The following CALCOCO2 variants were observed in gnomAD, a reference collection of about 807,000 sequenced individuals.
CALCOCO2 encodes calcium binding and coiled-coil domain 2, also known as calcium-binding and coiled-coil domain-containing protein 2.
Under a neutral mutation model 62.5 loss-of-function variants are expected in CALCOCO2, and 42 were observed. That is an observed-to-expected ratio of 0.67 (90% CI 0.53 to 0.87). The LOEUF (loss-of-function observed/expected upper bound fraction) is 0.87. Ranked by LOEUF, CALCOCO2 falls within the 40% of genes least tolerant of loss-of-function variation. The pLI is 0.00. For missense variants in CALCOCO2, 456 were observed against 515.0 expected, an observed-to-expected ratio of 0.89 and a Z score of 1.11; for synonymous variants, 167 against 173.0, an observed-to-expected ratio of 0.97 and a Z score of 0.27.
chr17:48,858,210 A>C (rs1209701159), intron 10 of CALCOCO2, among the ~76,000 whole-genome samples: 1 of 151,660 alleles, frequency 6.6e-6, no homozygotes, highest in Non-Finnish European at 1.5e-5. Flanking sequence ...ATTCTCCCTC[A>C]CTTTCTACTT....
intron 2 of CALCOCO2, chr17:48,845,983 A>G: frequency 1.3e-6 from 1 of 764,100 alleles, no homozygotes; most frequent in South Asian, 1.7e-5. Flanking sequence ...TTGGCTGTAA[A>G]GTTTCGTCCT....
At chr17:48,846,190 G>A in intron 2 of CALCOCO2, 1 of 641,724 alleles carries the variant, frequency 1.6e-6, no homozygotes, top group South Asian at 2.4e-5. Context: ...AGGCTGGAGT[G>A]CAGAGGTGCA....
Position 48,852,504 on chromosome 17 carries a change from A to G in CALCOCO2, c.703-2A>G. ...TGGTTATGTTCACTATTTTTGTTTT[A>G]GGCCCAGCTGTCAACTCAAGAGAAA... On this transcript the variant is annotated splice_acceptor_variant, in intron 7 of 12. Coordinates refer to ENST00000258947, the MANE Select transcript of CALCOCO2 (RefSeq NM_005831.5). LOFTEE classifies it high-confidence loss of function. 6.2e-7 allele frequency: 1 copy of G among 1,611,110 alleles called. No individual in the cohort carries two copies. The highest frequency in any genetic ancestry group is 8.5e-7 in the Non-Finnish European group (1 of 1,178,800).
chr17:48,849,569 G>A (rs12950485), intron 5 of CALCOCO2, among the ~76,000 whole-genome samples, 192 bp downstream of exon 5: 10 of 152,060 alleles, frequency 6.6e-5, no homozygotes, highest in Admixed American at 6.6e-5. Flanking sequence ...GCAAGGGTGC[G>A]ATCCTGGCTC....
At chr17:48,836,808 G>A (rs1323632039) in intron 1 of CALCOCO2, among the ~76,000 whole-genome samples, 3 of 144,882 alleles carry the variant, frequency 2.1e-5, no homozygotes, top group African/African-American at 7.8e-5. Flanking sequence ...TATTGCCCAA[G>A]CTGGAGTGCA....
Position 48,848,120 on chromosome 17 carries a change from T to C in CALCOCO2, c.237T>C (p.Ile79=). The change falls in exon 3 of 13, where the codon ATT becomes ATC. Residue 79 remains isoleucine, a synonymous_variant. Transcript: ENST00000258947. ...CCTTCATGTGGGTTACTTTGCCCAT[T>C]GACCTAAACAACAAATCAGCTAAAC... The part of the protein sequence containing the change: ...YYTFMWVTLP[I]DLNNKSAKQQ... The C allele has an allele frequency of 6.2e-7, 1 of 1,613,774 alleles. No individual in the cohort carries two copies. The highest frequency in any genetic ancestry group is 8.5e-7 in the Non-Finnish European group (1 of 1,179,722).
intron 2 of CALCOCO2, among the ~76,000 whole-genome samples, chr17:48,845,366 C>T (rs2040035633): frequency 8.6e-6 from 1 of 116,900 alleles, no homozygotes; most frequent in African/African-American, 3.2e-5. Context: ...CTAATTAAAT[C>T]CTCACTGTGT....
intron 2 of CALCOCO2, chr17:48,846,457 C>A: frequency 6.8e-7 from 1 of 1,468,944 alleles, no homozygotes; most frequent in Non-Finnish European, 9.2e-7. Flanking sequence ...TTAAATGTTT[C>A]CAAGACAAAT....
chr17:48,846,114 CTT>C, intron 2 of CALCOCO2: 1 of 1,164,540 alleles, frequency 8.6e-7, no homozygotes, highest in South Asian at 1.6e-5. Context: ...CTCAGTAACT[CTT>C]TTTATTTTTT....
chr17:48,850,520 GTTTC>G (rs1288559769), intron 5 of CALCOCO2, among the ~76,000 whole-genome samples: 1 of 152,000 alleles, frequency 6.6e-6, no homozygotes, highest in African/African-American at 2.4e-5. Flanking sequence ...AAATTAGTCT[GTTTC>G]TTTTTACCTT....
chr17:48,838,622 G>C (rs1435221625), intron 1 of CALCOCO2, among the ~76,000 whole-genome samples: 2 of 152,076 alleles, frequency 1.3e-5, no homozygotes, highest in Admixed American at 6.6e-5. Flanking sequence ...GCCGAGGCAG[G>C]AGAATGGCAT....
At chr17:48,850,647 A>G (rs2143629966) in intron 5 of CALCOCO2, among the ~76,000 whole-genome samples, 1 of 152,330 alleles carries the variant, frequency 6.6e-6, no homozygotes, top group South Asian at 2.1e-4. Flanking sequence ...TGTGTCTGCA[A>G]TGCAAGAACA....
At position 48,848,150 on chromosome 17, in the gene CALCOCO2, G is replaced by A. The variant is rs1311072350; in HGVS notation, c.267G>A (p.Gln89=). ...IDLNNKSAKQ[Q]EVQFKAYYLP... ...TAAACAACAAATCAGCTAAACAGCA[G>A]GAAGTCCAATTCAAAGGTGAGAAAA... Residue 89 remains glutamine, a synonymous_variant, in exon 3 of 13, where the codon CAG becomes CAA. Transcript: ENST00000258947. 3 of 1,611,074 alleles carry A rather than the reference G, an allele frequency of 1.9e-6. No individual in the cohort carries two copies. Among genetic ancestry groups the A allele is most frequent in the Non-Finnish European group, 2.5e-6 (3 of 1,177,348 alleles).
intron 1 of CALCOCO2, among the ~76,000 whole-genome samples, chr17:48,833,956 C>T (rs1332304107): frequency 6.6e-6 from 1 of 151,936 alleles, no homozygotes; most frequent in East Asian, 1.9e-4. Flanking sequence ...TGGTGAAACC[C>T]TGTCTCTACA....
rs2040078595 is a variant in CALCOCO2 at position 48,848,183 on chromosome 17, A to T, written c.283+17A>T. ...AATTCAAAGGTGAGAAAAATACTGG[A>T]TCAAAGGTGTTGAAGACAGTAGCCA... On this transcript the variant is annotated intron_variant, in intron 3 of 12. Transcript: ENST00000258947. The T allele has an allele frequency of 1.3e-6, 2 of 1,571,534 alleles. No individual in the cohort carries two copies. The highest frequency in any genetic ancestry group is 2.7e-5 in the African/African-American group (2 of 74,110).
chr17:48,846,852 T>C (rs1349230811), intron 2 of CALCOCO2, among the ~76,000 whole-genome samples: 4 of 152,198 alleles, frequency 2.6e-5, no homozygotes, highest in African/African-American at 9.7e-5. Context: ...ATAAATGTAA[T>C]TTTGCTTCTC....
In CALCOCO2 at chr17:48,858,054, T is replaced by TAGAATAGAATAGAAC. The variant is rs2040265467; in HGVS notation, c.1008+1881_1008+1882insCAGAATAGAATAGAA. On this transcript the variant is annotated intron_variant, in intron 10 of 12. Coordinates refer to ENST00000258947, the MANE Select transcript of CALCOCO2 (RefSeq NM_005831.5). ...GAATAGAATAGAATAGAAAATAGAATAGAATAGAATAGAATAGAATTTTAC... is the reference window on the plus strand; with the variant it reads ...GAATAGAATAGAATAGAAAATAGAATAGAATAGAATAGAACAGAATAGAATAGAATAGAATTTTAC... 5.7e-5 allele frequency among the ~76,000 whole-genome samples: 8 copies of TAGAATAGAATAGAAC among 139,648 alleles called. 1 individual carries two copies. The highest frequency in any genetic ancestry group is 7.9e-5 in the Non-Finnish European group (5 of 63,548). 91.6% of individuals were successfully genotyped at this position (139,648 alleles called of 152,430 possible). A position where few individuals can be genotyped will look rare whatever the true frequency, so the allele number is the denominator to read the frequency against.
chr17:48,860,311 T>C lies in CALCOCO2; in HGVS notation c.1009-3T>C, dbSNP rs201648506. ...AACATGTCTATAAATCCTCTATCCT[T>C]AGCTTTTGAAGAGGGAGAACAGCAG... is the stretch of plus-strand genomic sequence containing the variant. On this transcript the variant is annotated splice_region_variant and splice_polypyrimidine_tract_variant and intron_variant, in intron 10 of 12. Coordinates refer to ENST00000258947, the MANE Select transcript of CALCOCO2 (RefSeq NM_005831.5). 4.2e-4 allele frequency: 674 copies of C among 1,613,570 alleles called. 4 individuals are homozygous for C. The highest frequency in any genetic ancestry group is 4.1e-3 in the Middle Eastern group (25 of 6,058).
chr17:48,840,044 C>G (rs895437848), intron 1 of CALCOCO2, among the ~76,000 whole-genome samples: 1 of 152,128 alleles, frequency 6.6e-6, no homozygotes, highest in African/African-American at 2.4e-5. Context: ...ACTCCTGGCT[C>G]AAGCAATCCT....
Sources: allele counts gnomAD v4.1 joint callset (sites outside exome capture counted in the v4.1 genomes callset), GRCh38; gene constraint gnomAD v4.1.1; transcripts MANE v1.5; gene names NCBI Gene and HGNC (gene_info 2026-07-23, HGNC 2026-07-21).